The following GRID2 variants were observed in gnomAD, a reference collection of about 807,000 sequenced individuals.
GRID2 encodes the protein glutamate receptor ionotropic, delta-2.
Under a neutral mutation model 114.8 loss-of-function variants are expected in GRID2, and 33 were observed. The observed-to-expected ratio is 0.29, with a 90% CI of 0.22 to 0.38. The LOEUF (loss-of-function observed/expected upper bound fraction) is 0.38, where lower values mean the gene tolerates loss of function less well. Ranked by LOEUF, GRID2 falls within the 10% of genes least tolerant of loss-of-function variation. The probability of loss-of-function intolerance (pLI) is 1.00; values close to 1 mark genes in which losing one functional copy is unlikely to be tolerated. For missense variants in GRID2, 1,184 were observed against 1,257.7 expected, an observed-to-expected ratio of 0.94 and a Z score of 0.89; for synonymous variants, 505 against 449.9, an observed-to-expected ratio of 1.12 and a Z score of -1.55.
chr4:93,172,073 TC>T (rs780805069), intron 4 of GRID2, among the ~76,000 whole-genome samples: 3 of 152,184 alleles, frequency 2.0e-5, no homozygotes, highest in East Asian at 3.9e-4. Context: ...GGCCATGATA[TC>T]CTTCCTGACC....
intron 2 of GRID2, among the ~76,000 whole-genome samples, chr4:92,959,013 G>A (rs1417025166): frequency 1.4e-5 from 2 of 144,310 alleles, no homozygotes; most frequent in Non-Finnish European, 3.0e-5. Flanking sequence ...CTGTAGTGAT[G>A]TGTCTTCTTT....
chr4:92,576,331 G>A (rs750025317), intron 1 of GRID2, among the ~76,000 whole-genome samples: 3 of 152,218 alleles, frequency 2.0e-5, no homozygotes, highest in Admixed American at 6.5e-5. Flanking sequence ...ATAGCTGATT[G>A]GACTAAACAG....
At chr4:92,487,933 G>A (rs1722972027) in intron 1 of GRID2, among the ~76,000 whole-genome samples, 1 of 152,018 alleles carries the variant, frequency 6.6e-6, no homozygotes, top group Admixed American at 6.6e-5. Context: ...TATAACATTT[G>A]ATATTGCCCT....
intron 2 of GRID2, among the ~76,000 whole-genome samples, chr4:92,611,084 GTA>G (rs757745274): frequency 5.1e-5 from 7 of 136,150 alleles, no homozygotes; most frequent in Non-Finnish European, 1.0e-4. Flanking sequence ...ATATATGTGT[GTA>G]TATATATGTG....
At chr4:93,660,966 A>G (rs546230164) in intron 14 of GRID2, among the ~76,000 whole-genome samples, 1 of 151,408 alleles carries the variant, frequency 6.6e-6, no homozygotes, top group African/African-American at 2.4e-5. Context: ...CCACAGGGGG[A>G]AAAAAAAAGC....
At chr4:93,163,474 G>A (rs935614069) in intron 4 of GRID2, among the ~76,000 whole-genome samples, 1 of 144,924 alleles carries the variant, frequency 6.9e-6, no homozygotes, top group Non-Finnish European at 1.5e-5. Flanking sequence ...ATCTTGCCCA[G>A]GCTGGTCTCA....
chr4:92,431,563 T>C (rs570702952), intron 1 of GRID2, among the ~76,000 whole-genome samples: 3 of 151,318 alleles, frequency 2.0e-5, no homozygotes, highest in Non-Finnish European at 4.4e-5. Context: ...TATTTATTTA[T>C]TGTTTGACGT....
In GRID2 at chr4:93,049,834, A is replaced by G. The variant is rs901783116; in HGVS notation, c.245-35161A>G. ...TAGTATTTCAAAATGCTACAGTCTT[A>G]CTCAATAGAGTTCCATGTTTCCAAC... On this transcript the variant is annotated intron_variant, in intron 2 of 15. Transcript: ENST00000282020. Among the ~76,000 whole-genome samples, 9 of 151,976 alleles carry G rather than the reference A, an allele frequency of 5.9e-5. No homozygotes were observed. In the East Asian group the frequency reaches 1.4e-3, roughly 23 times the overall value.
chr4:92,627,854 G>A (rs899915690), intron 2 of GRID2, among the ~76,000 whole-genome samples: 1 of 152,082 alleles, frequency 6.6e-6, no homozygotes, highest in Non-Finnish European at 1.5e-5. Flanking sequence ...GCTCTGATTT[G>A]TAGTGTTTGC....
chr4:92,828,094 C>T (rs912202199), intron 2 of GRID2, among the ~76,000 whole-genome samples: 1 of 151,950 alleles, frequency 6.6e-6, no homozygotes, highest in Non-Finnish European at 1.5e-5. Context: ...AAACTGTATT[C>T]CCCTACAACT....
chr4:92,425,415 G>A (rs1262765527), intron 1 of GRID2, among the ~76,000 whole-genome samples: 1 of 152,028 alleles, frequency 6.6e-6, no homozygotes, highest in Admixed American at 6.6e-5. Flanking sequence ...ACAAGTGTTA[G>A]CTAGCGACTG....
At chr4:93,579,913 G>A (rs1432471453) in intron 13 of GRID2, among the ~76,000 whole-genome samples, 1 of 152,136 alleles carries the variant, frequency 6.6e-6, no homozygotes, top group African/African-American at 2.4e-5. Flanking sequence ...AGACTGACTG[G>A]CAGAGAAGAT....
At chr4:92,603,128 A>G (rs1729298841) in intron 2 of GRID2, among the ~76,000 whole-genome samples, 1 of 152,190 alleles carries the variant, frequency 6.6e-6, no homozygotes, top group South Asian at 2.1e-4. Context: ...ATACTGCTCA[A>G]AGCAATGTAT....
At chr4:92,944,863 A>G (rs944273789) in intron 2 of GRID2, among the ~76,000 whole-genome samples, 12 of 152,090 alleles carry the variant, frequency 7.9e-5, no homozygotes, top group Admixed American at 7.2e-4. Flanking sequence ...CAAAGGGCAA[A>G]CCTTATATAT....
intron 1 of GRID2, among the ~76,000 whole-genome samples, chr4:93,788,427 A>C (rs976539581): frequency 1.3e-5 from 2 of 152,296 alleles, no homozygotes; most frequent in Admixed American, 6.5e-5. Flanking sequence ...ATACATACAA[A>C]AAAGATAAGT....
At chr4:93,614,083 G>A (rs1382856212) in intron 13 of GRID2, among the ~76,000 whole-genome samples, 6 of 152,040 alleles carry the variant, frequency 3.9e-5, no homozygotes, top group Non-Finnish European at 8.8e-5. Flanking sequence ...TTCCAGGTGC[G>A]TCCGTCACCC....
At chr4:92,819,733 T>C (rs1741149611) in intron 2 of GRID2, among the ~76,000 whole-genome samples, 1 of 152,074 alleles carries the variant, frequency 6.6e-6, no homozygotes, top group African/African-American at 2.4e-5. Context: ...AAAAACAAAT[T>C]AGAGATATAT....
intron 1 of GRID2, among the ~76,000 whole-genome samples, chr4:92,473,405 A>G (rs1722139623): frequency 6.6e-6 from 1 of 152,032 alleles, no homozygotes; most frequent in Non-Finnish European, 1.5e-5. Context: ...TTAATGGCTT[A>G]CATTTATGTT....
chr4:93,120,515 T>C (rs1303710741), intron 4 of GRID2, among the ~76,000 whole-genome samples: 2 of 152,072 alleles, frequency 1.3e-5, no homozygotes, highest in African/African-American at 4.8e-5. Flanking sequence ...AAATACCCCA[T>C]GTTCTCACTC....
Sources: gnomAD v4.1 joint callset for allele counts (sites outside exome capture counted in the v4.1 genomes callset) on GRCh38, gnomAD v4.1.1 for gene constraint, MANE v1.5 for transcripts, NCBI Gene and HGNC (gene_info 2026-07-23, HGNC 2026-07-21) for gene names.